PTPRD: variants seen among roughly 807,000 people sequenced by gnomAD.
PTPRD encodes protein tyrosine phosphatase receptor type D, also known as receptor-type tyrosine-protein phosphatase delta.
Under a neutral mutation model 214.5 loss-of-function variants are expected in PTPRD, and 34 were observed. The observed-to-expected ratio is 0.16, with a 90% CI of 0.12 to 0.21. The LOEUF (loss-of-function observed/expected upper bound fraction) is 0.21, where lower values mean the gene tolerates loss of function less well. Ranked by LOEUF, PTPRD falls within the 10% of genes least tolerant of loss-of-function variation. PTPRD has a pLI of 1.00. For missense variants in PTPRD, 2,545 were observed against 2,398.7 expected, an observed-to-expected ratio of 1.06 and a Z score of -1.27; for synonymous variants, 1,128 against 845.7, an observed-to-expected ratio of 1.33 and a Z score of -5.79.
At chr9:9,821,373 T>C (rs992828362) in intron 5 of PTPRD, among the ~76,000 whole-genome samples, 1 of 152,170 alleles carries the variant, frequency 6.6e-6, no homozygotes, top group Non-Finnish European at 1.5e-5. Context: ...GTGGAAGGGA[T>C]TGTACACACA....
chr9:8,371,371 G>C (rs148802989), intron 39 of PTPRD, among the ~76,000 whole-genome samples: 453 of 152,138 alleles, frequency 3.0e-3, no homozygotes, highest in Middle Eastern at 0.014. Context: ...TTACTAAGGT[G>C]TAAGAGCTGG....
Position 9,049,069 on chromosome 9 carries a change from A to C in PTPRD, c.-142-30334T>G, listed in dbSNP as rs185962559. On this transcript the variant is annotated intron_variant, in intron 10 of 45. Transcript: ENST00000381196. ...TGCCATCCCTTGCTATATACCAAGC[A>C]TCCAATGATCTGGAAAGCAACACTA... Among the ~76,000 whole-genome samples, 5 of 152,348 alleles carry C rather than the reference A, an allele frequency of 3.3e-5. No homozygotes were observed. In the East Asian group the frequency reaches 5.8e-4, roughly 18 times the overall value.
chr9:9,486,150 C>CAAAAAAAAAAAAAAAA (rs71319226), intron 8 of PTPRD, among the ~76,000 whole-genome samples: 1 of 30,166 alleles, frequency 3.3e-5, no homozygotes, highest in Non-Finnish European at 5.3e-5. Flanking sequence ...GACTCTCTCT[C>CAAAAAAAAAAAAAAAA]AAAAAAAAAA....
At chr9:8,505,625 A>AC (rs1491220323) in intron 22 of PTPRD, among the ~76,000 whole-genome samples, 2 of 105,608 alleles carry the variant, frequency 1.9e-5, no homozygotes, top group East Asian at 2.4e-4. Flanking sequence ...ACTCTGTCTC[A>AC]AAAAAAAAAA....
chr9:8,914,874 A>T (rs1269088363), intron 11 of PTPRD, among the ~76,000 whole-genome samples: 1 of 152,174 alleles, frequency 6.6e-6, no homozygotes, highest in Non-Finnish European at 1.5e-5. Flanking sequence ...GATCCTCTGC[A>T]GACAACACAC....
chr9:8,927,180 T>C (rs924266398), intron 11 of PTPRD, among the ~76,000 whole-genome samples: 2 of 152,148 alleles, frequency 1.3e-5, no homozygotes, highest in African/African-American at 2.4e-5. Context: ...CACCTTCTCT[T>C]TTCTAAGACA....
intron 7 of PTPRD, among the ~76,000 whole-genome samples, chr9:9,576,400 C>G (rs988070150): frequency 6.6e-6 from 1 of 152,002 alleles, no homozygotes; most frequent in African/African-American, 2.4e-5. Flanking sequence ...GTAGACCTCC[C>G]GGGCTCATTT....
chr9:9,605,376 G>A (rs1340412964), intron 7 of PTPRD, among the ~76,000 whole-genome samples: 2 of 152,032 alleles, frequency 1.3e-5, no homozygotes, highest in African/African-American at 4.8e-5. Context: ...TGGAAGCTAT[G>A]AACTCCTTAA....
At chr9:9,926,369 AG>A (rs1375562605) in intron 5 of PTPRD, among the ~76,000 whole-genome samples, 2 of 152,158 alleles carry the variant, frequency 1.3e-5, no homozygotes, top group Non-Finnish European at 2.9e-5. Flanking sequence ...ACAAATTTTT[AG>A]TTGTATTTGC....
chr9:9,671,125 G>C (rs893487605), intron 7 of PTPRD, among the ~76,000 whole-genome samples: 1 of 152,168 alleles, frequency 6.6e-6, no homozygotes, highest in Non-Finnish European at 1.5e-5. Context: ...AGCCACAGGA[G>C]TGGAGCTGCC....
intron 2 of PTPRD, among the ~76,000 whole-genome samples, chr9:10,429,496 T>C (rs2098656852): frequency 1.3e-5 from 2 of 151,820 alleles, no homozygotes; most frequent in South Asian, 2.1e-4. Flanking sequence ...TATTCAGTTA[T>C]AAAAAAGAAT....
intron 11 of PTPRD, among the ~76,000 whole-genome samples, chr9:8,808,287 C>G (rs527968226): frequency 6.6e-6 from 1 of 152,100 alleles, no homozygotes; most frequent in African/African-American, 2.4e-5. Flanking sequence ...GTGCTGCTCC[C>G]ATTTGCTCCC....
chr9:8,957,071 AT>A (rs1473069293), intron 11 of PTPRD, among the ~76,000 whole-genome samples: 1 of 151,894 alleles, frequency 6.6e-6, no homozygotes, highest in African/African-American at 2.4e-5. Flanking sequence ...TTACCACTGA[AT>A]AGTCCCTTTA....
chr9:9,058,506 A>T (rs324497), intron 10 of PTPRD, among the ~76,000 whole-genome samples: 135,189 of 139,312 alleles, frequency 0.97, 65,733 homozygotes, highest in Middle Eastern at 1. Context: ...TGGAGTGCAG[A>T]GGCGCGATCT....
chr9:9,667,047 C>T (rs568463882), intron 7 of PTPRD, among the ~76,000 whole-genome samples: 2 of 152,132 alleles, frequency 1.3e-5, no homozygotes, highest in Admixed American at 6.6e-5. Flanking sequence ...TAAAAGGATA[C>T]AAATTTGTTA....
intron 3 of PTPRD, among the ~76,000 whole-genome samples, chr9:10,117,601 T>G (rs74463330): frequency 0.089 from 10,825 of 121,444 alleles, 576 homozygotes; most frequent in Admixed American, 0.21. Flanking sequence ...CTGTATGGAT[T>G]AAATCTCCCC....
At chr9:10,610,550 G>A (rs1457712405) in intron 2 of PTPRD, among the ~76,000 whole-genome samples, 1 of 151,504 alleles carries the variant, frequency 6.6e-6, no homozygotes, top group African/African-American at 2.4e-5. Context: ...TCGGACATGT[G>A]AGGTCAGAAA....
intron 2 of PTPRD, among the ~76,000 whole-genome samples, chr9:10,573,437 C>A (rs1345757176): frequency 1.3e-5 from 2 of 152,132 alleles, no homozygotes; most frequent in Non-Finnish European, 2.9e-5. Flanking sequence ...CCTCATAGTG[C>A]ACACAGGTCC....
intron 2 of PTPRD, among the ~76,000 whole-genome samples, chr9:10,481,759 C>G (rs1259182226): frequency 6.6e-6 from 1 of 152,044 alleles, no homozygotes; most frequent in Non-Finnish European, 1.5e-5. Flanking sequence ...CTAAAAATCT[C>G]AGAATATAGA....
Sources: allele counts gnomAD v4.1 joint callset (sites outside exome capture counted in the v4.1 genomes callset), GRCh38; gene constraint gnomAD v4.1.1; transcripts MANE v1.5; gene names NCBI Gene and HGNC (gene_info 2026-07-23, HGNC 2026-07-21).